The following CNTN5 variants were observed in gnomAD, a reference collection of about 807,000 sequenced individuals.
CNTN5 encodes the protein contactin-5.
CNTN5 carries 77 observed loss-of-function variants against 129.1 expected under a neutral mutation model. The observed-to-expected ratio is 0.60, with a 90% CI of 0.50 to 0.72. CNTN5 has a LOEUF of 0.72. Ranked by LOEUF, CNTN5 falls within the 30% of genes least tolerant of loss-of-function variation. CNTN5 has a pLI of 0.00. For synonymous variants in CNTN5, 509 were observed against 465.6 expected (o/e 1.09, Z -1.20); for missense variants, 1,478 against 1,328.8 (o/e 1.11, Z -1.75).
chr11:99,998,709 G>GCC (rs1256852407), intron 8 of CNTN5, among the ~76,000 whole-genome samples: 2 of 137,638 alleles, frequency 1.5e-5, no homozygotes, highest in Non-Finnish European at 3.1e-5. Context: ...TCAATCCTAA[G>GCC]CCAAAAGAAC....
intron 16 of CNTN5, among the ~76,000 whole-genome samples, chr11:100,246,356 T>C (rs557806558): frequency 1.3e-5 from 2 of 151,970 alleles, no homozygotes; most frequent in East Asian, 1.9e-4. Context: ...TTGCATGAAA[T>C]AGTACTGAAA....
chr11:100,031,227 A>G (rs775444754), intron 9 of CNTN5, among the ~76,000 whole-genome samples: 10 of 152,206 alleles, frequency 6.6e-5, no homozygotes, highest in Non-Finnish European at 1.0e-4. Context: ...GCTACGGAAT[A>G]AAAGATGAAA....
intron 1 of CNTN5, among the ~76,000 whole-genome samples, chr11:99,035,491 T>A (rs1370537778): frequency 1.3e-5 from 2 of 151,312 alleles, no homozygotes; most frequent in Non-Finnish European, 3.0e-5. Context: ...TGGTTAGCTC[T>A]TCTTGTTGAA....
chr11:99,736,973 TAAAC>T (rs1943730903), intron 3 of CNTN5, among the ~76,000 whole-genome samples: 1 of 151,536 alleles, frequency 6.6e-6, no homozygotes, highest in Non-Finnish European at 1.5e-5. Context: ...ATTAAGGAAT[TAAAC>T]AGCAGTGTTC....
intron 2 of CNTN5, among the ~76,000 whole-genome samples, chr11:99,374,970 G>C (rs1940073658): frequency 6.6e-6 from 1 of 152,128 alleles, no homozygotes; most frequent in South Asian, 2.1e-4. Flanking sequence ...GGCTGGAAAA[G>C]TAAAGAAGAG....
In CNTN5 at chr11:100,179,059, T is replaced by C. The variant is rs76653750; in HGVS notation, c.1581-12067T>C. Among the ~76,000 whole-genome samples, 1,109 of 152,292 alleles carry C rather than the reference T, an allele frequency of 7.3e-3. 9 individuals carry two copies. Among genetic ancestry groups the C allele is most frequent in the African/African-American group, 0.025 (1,038 of 41,576 alleles). On this transcript the variant is annotated intron_variant, in intron 13 of 24. Transcript: ENST00000524871. ...ATCAGGGCAAGCACTCATCATTTCT[T>C]TGTGTTGTGAACATTCCAATTGTAC...
chr11:99,141,950 T>C (rs1859535247), intron 1 of CNTN5, among the ~76,000 whole-genome samples: 1 of 152,222 alleles, frequency 6.6e-6, no homozygotes, highest in Admixed American at 6.5e-5. Flanking sequence ...ATGAGAAGAA[T>C]GTATATTCTT....
intron 1 of CNTN5, among the ~76,000 whole-genome samples, chr11:99,134,925 G>C (rs1330145651): frequency 6.6e-6 from 1 of 152,162 alleles, no homozygotes; most frequent in Non-Finnish European, 1.5e-5. Context: ...AGTAAATGCA[G>C]AAACTCTAAA....
intron 2 of CNTN5, among the ~76,000 whole-genome samples, chr11:99,499,987 A>G (rs1180037915): frequency 1.3e-5 from 2 of 152,116 alleles, no homozygotes; most frequent in African/African-American, 4.8e-5. Context: ...GACTTTGAAA[A>G]AGAATGGCAA....
intron 6 of CNTN5, among the ~76,000 whole-genome samples, chr11:99,864,883 T>C (rs1481053358): frequency 6.6e-6 from 1 of 152,220 alleles, no homozygotes; most frequent in Non-Finnish European, 1.5e-5. Context: ...TTACTGTTTG[T>C]TTCCACTAAA....
At chr11:100,073,246 C>T (rs897765587) in intron 12 of CNTN5, among the ~76,000 whole-genome samples, 1 of 151,822 alleles carries the variant, frequency 6.6e-6, no homozygotes, top group Non-Finnish European at 1.5e-5. Context: ...GGGGTTTCAC[C>T]GTGTTGGCCA....
intron 3 of CNTN5, among the ~76,000 whole-genome samples, chr11:99,613,793 T>C (rs1322171856): frequency 6.6e-6 from 1 of 152,196 alleles, no homozygotes; most frequent in Non-Finnish European, 1.5e-5. Context: ...ATCCACTAAA[T>C]AAAGTTTGTC....
At chr11:99,805,362 GGT>G (rs1308188611) in intron 3 of CNTN5, among the ~76,000 whole-genome samples, 1 of 152,046 alleles carries the variant, frequency 6.6e-6, no homozygotes, top group African/African-American at 2.4e-5. Flanking sequence ...AAAGCCCGAA[GGT>G]CAGAGGAGAG....
At chr11:99,075,776 G>T (rs1865538917) in intron 1 of CNTN5, among the ~76,000 whole-genome samples, 3 of 152,146 alleles carry the variant, frequency 2.0e-5, no homozygotes, top group Non-Finnish European at 4.4e-5. Context: ...AGTATTGGTA[G>T]GTTATCAGTA....
chr11:99,990,420 T>G (rs1008078251), intron 8 of CNTN5, among the ~76,000 whole-genome samples: 4 of 147,278 alleles, frequency 2.7e-5, no homozygotes, highest in Non-Finnish European at 5.9e-5. Context: ...TAGAATAAAT[T>G]TATTGGCTTC....
At chr11:99,038,763 A>G (rs560111021) in intron 1 of CNTN5, among the ~76,000 whole-genome samples, 7 of 152,046 alleles carry the variant, frequency 4.6e-5, no homozygotes, top group Admixed American at 2.6e-4. Context: ...TTATTTTACA[A>G]TCTCTTATAT....
At chr11:99,854,817 C>A (rs10736571) in intron 6 of CNTN5, among the ~76,000 whole-genome samples, 1 of 152,112 alleles carries the variant, frequency 6.6e-6, no homozygotes, top group African/African-American at 2.4e-5. Context: ...TCACCAACGA[C>A]AATTTGTGCT....
chr11:100,277,226 G>A (rs1325033775), intron 18 of CNTN5, among the ~76,000 whole-genome samples: 1 of 152,156 alleles, frequency 6.6e-6, no homozygotes, highest in Non-Finnish European at 1.5e-5. Flanking sequence ...TTCATCTGCT[G>A]ATGGACATTT....
At chr11:100,291,668 G>C (rs1466250541) in intron 18 of CNTN5, among the ~76,000 whole-genome samples, 2 of 151,286 alleles carry the variant, frequency 1.3e-5, no homozygotes, top group African/African-American at 4.9e-5. Flanking sequence ...GAGTTAGTGG[G>C]TGCAGCGCAC....
Sources: gnomAD v4.1 joint callset for allele counts (sites outside exome capture counted in the v4.1 genomes callset) on GRCh38, gnomAD v4.1.1 for gene constraint, MANE v1.5 for transcripts, NCBI Gene and HGNC (gene_info 2026-07-23, HGNC 2026-07-21) for gene names.